Variants in GCNT2 observed in about 807,000 individuals in gnomAD.
GCNT2 encodes the protein glucosaminyl (N-acetyl) transferase 2 (I blood group), also known as N-acetyllactosaminide beta-1,6-N-acetylglucosaminyl-transferase.
A neutral mutation model predicts 34.2 loss-of-function variants in GCNT2; 34 were observed. The observed-to-expected ratio is 1.00, with a 90% CI of 0.76 to 1.32. The LOEUF (loss-of-function observed/expected upper bound fraction) is 1.32, where lower values mean the gene tolerates loss of function less well. Ranked by LOEUF, GCNT2 falls within the 40% of genes most tolerant of loss-of-function variation. GCNT2 has a pLI of 0.00. For synonymous variants in GCNT2, 212 were observed against 188.0 expected, an observed-to-expected ratio of 1.13 and a Z score of -1.04; for missense variants, 584 against 489.4, an observed-to-expected ratio of 1.19 and a Z score of -1.82.
At chr6:10,574,634 A>AGATT (rs1302295875) in intron 3 of GCNT2, 21 of 266,424 alleles carry the variant, frequency 7.9e-5, no homozygotes, top group Non-Finnish European at 1.4e-4. Flanking sequence ...TCAGTGAACT[A>AGATT]TAGACCATGG....
intron 3 of GCNT2, among the ~76,000 whole-genome samples, chr6:10,569,275 C>CACACACACACACA (rs1491437125): frequency 0.017 from 1,713 of 101,152 alleles, 130 homozygotes; most frequent in Middle Eastern, 0.03. Flanking sequence ...ACACACACAC[C>CACACACACACACA]CCCTAGGTAA....
At chr6:10,614,043 T>C (rs535491690) in intron 3 of GCNT2, among the ~76,000 whole-genome samples, 1 of 152,256 alleles carries the variant, frequency 6.6e-6, no homozygotes, top group South Asian at 2.1e-4. Context: ...ACTGGTAGCT[T>C]TGGGATCTCC....
At chr6:10,540,954 G>A (rs1028655525) in intron 3 of GCNT2, among the ~76,000 whole-genome samples, 1 of 152,072 alleles carries the variant, frequency 6.6e-6, no homozygotes, top group Non-Finnish European at 1.5e-5. Flanking sequence ...CTGATTGCTA[G>A]GGTCAGTATC....
intron 3 of GCNT2, among the ~76,000 whole-genome samples, chr6:10,591,345 A>G (rs1389928446): frequency 1.3e-5 from 2 of 152,232 alleles, no homozygotes; most frequent in Non-Finnish European, 2.9e-5. Context: ...CCCTGTACCT[A>G]GGATGGGGGA....
chr6:10,605,330 C>T (rs536760599), intron 3 of GCNT2, among the ~76,000 whole-genome samples: 1 of 150,618 alleles, frequency 6.6e-6, no homozygotes, highest in African/African-American at 2.4e-5. Context: ...ATCCCCCTAC[C>T]TCAGCCTCTC....
chr6:10,601,939 T>TTAAAAAAAAAAAAAA (rs1561830857), intron 3 of GCNT2, among the ~76,000 whole-genome samples: 3 of 76,350 alleles, frequency 3.9e-5, no homozygotes, highest in African/African-American at 2.3e-4. Context: ...AGACTCCATC[T>TTAAAAAAAAAAAAAA]CAAGAAAAAA....
chr6:10,528,239 T>C (rs1761296353), intron 2 of GCNT2: 1 of 152,872 alleles, frequency 6.5e-6, no homozygotes, highest in African/African-American at 2.4e-5. Context: ...TTTAGCCCAG[T>C]AGCCAGTCAT....
intron 3 of GCNT2, among the ~76,000 whole-genome samples, chr6:10,567,698 G>A (rs1763351034): frequency 6.6e-6 from 1 of 152,152 alleles, no homozygotes; most frequent in East Asian, 1.9e-4. Context: ...CCAGTCCTCT[G>A]TCTCCTGTCC....
chr6:10,540,902 C>T (rs1353917544), intron 3 of GCNT2, among the ~76,000 whole-genome samples: 2 of 152,156 alleles, frequency 1.3e-5, no homozygotes, highest in African/African-American at 2.4e-5. Flanking sequence ...CATTAGAAAA[C>T]ACTCTTGGGA....
At chr6:10,528,250 A>G (rs1761296849) in intron 2 of GCNT2, 1 of 154,036 alleles carries the variant, frequency 6.5e-6, no homozygotes. Context: ...AGCCAGTCAT[A>G]TGCCATGTCG....
At chr6:10,609,819 G>A (rs937449370) in intron 3 of GCNT2, among the ~76,000 whole-genome samples, 1 of 152,192 alleles carries the variant, frequency 6.6e-6, no homozygotes, top group Non-Finnish European at 1.5e-5. Flanking sequence ...GAAATGAAGT[G>A]AGGAGTTGGA....
At chr6:10,564,034 CAA>C (rs1465655049) in intron 3 of GCNT2, among the ~76,000 whole-genome samples, 1 of 152,018 alleles carries the variant, frequency 6.6e-6, no homozygotes, top group Non-Finnish European at 1.5e-5. Flanking sequence ...TAGACCCACT[CAA>C]AAACTTTCTC....
At chr6:10,567,411 G>T (rs576904955) in intron 3 of GCNT2, among the ~76,000 whole-genome samples, 5 of 152,296 alleles carry the variant, frequency 3.3e-5, no homozygotes, top group African/African-American at 1.2e-4. Context: ...GAGCTAGGAT[G>T]GCGCCACTGC....
At chr6:10,528,310 ACAGG>A in intron 2 of GCNT2, 1 of 158,062 alleles carries the variant, frequency 6.3e-6, no homozygotes, top group East Asian at 1.8e-4. Flanking sequence ...GTGGAAAAAG[ACAGG>A]GTTAAGCAAT....
chr6:10,538,062 T>C (rs370074675), intron 3 of GCNT2, among the ~76,000 whole-genome samples: 41 of 151,878 alleles, frequency 2.7e-4, no homozygotes, highest in Non-Finnish European at 4.9e-4. Flanking sequence ...AAAGTCAAAA[T>C]ATGGTTTCTA....
At chr6:10,531,874 CTTTTT>C (rs71548846) in intron 3 of GCNT2, among the ~76,000 whole-genome samples, 10 of 129,586 alleles carry the variant, frequency 7.7e-5, no homozygotes, top group Non-Finnish European at 1.1e-4. Flanking sequence ...CCAATCCCCA[CTTTTT>C]TTTTTTTTTT....
intron 3 of GCNT2, among the ~76,000 whole-genome samples, chr6:10,579,826 CA>C (rs61490868): frequency 7.8e-3 from 704 of 89,928 alleles, no homozygotes; most frequent in South Asian, 0.012. Context: ...AAAAAACAAA[CA>C]AAAAAAAAAA....
chr6:10,611,545 G>T (rs1462918072), intron 3 of GCNT2, among the ~76,000 whole-genome samples: 2 of 151,852 alleles, frequency 1.3e-5, no homozygotes. Flanking sequence ...TGGCCAGGAT[G>T]GTCTCGATCT....
Position 10,528,893 on chromosome 6 carries a change from A to G in GCNT2, c.-19A>G, listed in dbSNP as rs746414131. On this transcript the variant is annotated 5_prime_UTR_variant, in exon 3 of 5. Coordinates refer to ENST00000495262, the MANE Select transcript of GCNT2 (RefSeq NM_145649.5). ...TCCTATCTCAAGAGAGAGATATTTT[A>G]CTCATTTCCTGGTTGTGAATGATGG... The G allele has an allele frequency of 6.4e-7, 1 of 1,560,772 alleles. No homozygotes were observed. Among genetic ancestry groups the G allele is most frequent in the Non-Finnish European group, 8.8e-7 (1 of 1,131,656 alleles).
Sources: gnomAD v4.1 joint callset for allele counts (sites outside exome capture counted in the v4.1 genomes callset) on GRCh38, gnomAD v4.1.1 for gene constraint, MANE v1.5 for transcripts, NCBI Gene and HGNC (gene_info 2026-07-23, HGNC 2026-07-21) for gene names.